ZAN: variants seen among roughly 807,000 people sequenced by gnomAD.
The protein encoded by ZAN is zonadhesin (gene/pseudogene).
Under a neutral mutation model 286.2 loss-of-function variants are expected in ZAN, and 260 were observed. That is an observed-to-expected ratio of 0.91 (90% CI 0.82 to 1.01). The LOEUF is 1.01. ZAN is among the 50% of genes least tolerant of loss of function. The pLI, the probability that ZAN is intolerant of heterozygous loss-of-function variation, is 0.00. For missense variants in ZAN, 3,410 were observed against 3,639.2 expected, an observed-to-expected ratio of 0.94 and a Z score of 1.62; for synonymous variants, 1,368 against 1,417.5, an observed-to-expected ratio of 0.97 and a Z score of 0.79.
At chr7:100,794,430 A>G (rs1812217054) in intron 44 of ZAN, among the ~76,000 whole-genome samples, 172 bp downstream of exon 44, 1 of 152,190 alleles carries the variant, frequency 6.6e-6, no homozygotes, top group Non-Finnish European at 1.5e-5. Context: ...CTAAGCATCC[A>G]TGACCTACCG....
At position 100,760,456 on chromosome 7, in the gene ZAN, G is replaced by A; in HGVS notation, c.3762G>A (p.Gly1254=). ...AAGGCGTCTTCCTGGGTGCAAGCGG[G>A]CGGTTTGTGGAGCTGCAGACGGAGT... ...PSKGVFLGAS[G]RFVELQTEFG... Residue 1254 remains glycine (G), a synonymous_variant, in exon 19 of 48, where the codon GGG becomes GGA. Coordinates refer to ENST00000613979, the MANE Select transcript of ZAN (RefSeq NM_003386.3). 1 of 1,613,964 alleles carries A rather than the reference G, an allele frequency of 6.2e-7. No individual in the cohort carries two copies. Among genetic ancestry groups the A allele is most frequent in the Non-Finnish European group, 8.5e-7 (1 of 1,179,898 alleles).
intron 44 of ZAN, among the ~76,000 whole-genome samples, chr7:100,794,843 G>A (rs1341695402): frequency 2.3e-5 from 3 of 133,302 alleles, no homozygotes; most frequent in Non-Finnish European, 4.8e-5. Context: ...TCTCAAAAAA[G>A]AAGAGAAGAG....
chr7:100,738,888 TCCCTCTCCCTCTCCCTCTCCC>T (rs1807517390), intron 7 of ZAN, among the ~76,000 whole-genome samples: 5 of 2,646 alleles, frequency 1.9e-3, no homozygotes, highest in Admixed American at 9.8e-3. Flanking sequence ...CCTCTCCCTC[TCCCTCTCCCTCTCCCTCTCCC>T]TCTCCCTCTC....
rs548188482 is a variant in ZAN, at chr7:100,795,053, T to A, written c.8126-143T>A. 6 of 1,022,770 alleles carry A rather than the reference T, an allele frequency of 5.9e-6. No individual in the cohort carries two copies. In the Admixed American group the frequency reaches 9.1e-5, roughly 16 times the overall value. 63.4% of individuals were successfully genotyped at this position (1,022,770 alleles called of 1,614,324 possible). On this transcript the variant is annotated intron_variant, in intron 44 of 47. Transcript: ENST00000613979. ...AAAGCCCAGGGCTAGTGAGGCAGGG[T>A]TGGGAGCCAGGCTGGCTGACCCCTG...
At chr7:100,772,188 T>G (rs1045645642) in intron 29 of ZAN, among the ~76,000 whole-genome samples, 168 bp downstream of exon 29, 17 of 144,244 alleles carry the variant, frequency 1.2e-4, no homozygotes, top group Non-Finnish European at 2.1e-4. Context: ...CTACCTCCTG[T>G]GTTCAAGCCA....
intron 7 of ZAN, among the ~76,000 whole-genome samples, chr7:100,746,011 C>T (rs181071389): frequency 1.6e-3 from 238 of 150,320 alleles, no homozygotes; most frequent in African/African-American, 5.5e-3. Flanking sequence ...ATCATTTGAA[C>T]CTAGGAGTTC....
At position 100,797,464 on chromosome 7, in the gene ZAN, A is replaced by G. The variant is rs1157483925; in HGVS notation, c.8365A>G (p.Arg2789Gly). 1.9e-6 allele frequency: 3 copies of G among 1,609,470 alleles called. No homozygotes were observed. The highest frequency in any genetic ancestry group is 1.7e-6 in the Non-Finnish European group (2 of 1,177,364). Residue 2789 changes from arginine to glycine, a missense_variant and splice_region_variant, in exon 46 of 48, where the codon AGA becomes GGA. This residue lies in a region of ZAN where 1,289 missense variants were observed against 1,314.3 expected (regional missense o/e 0.98). Transcript: ENST00000613979. ...GTGCATTTACAGAACGAGGAGGAAG[A>G]GGTGAGTCCTGGGAAGGAGAGAGGA... ...RECIYRTRRK[R>G]EKTQEGDRLA... is the part of the protein sequence containing the mutation.
Position 100,788,024 on chromosome 7 carries a change from T to C in ZAN, c.7115T>C (p.Leu2372Pro), listed in dbSNP as rs1285137132. The C allele has an allele frequency of 1.3e-6, 2 of 1,570,096 alleles. No individual in the cohort carries two copies. Among genetic ancestry groups the C allele is most frequent in the South Asian group, 1.2e-5 (1 of 85,562 alleles). The change falls in exon 38 of 48, where the codon CTC (leucine) becomes CCC (proline). Residue 2372 changes from leucine to proline, a missense_variant. By Grantham distance (98) the Leu-to-Pro change is moderately conservative. Around this residue, in one of 7 missense-constraint regions of ZAN, gnomAD observed 1,289 missense variants for 1,314.3 expected, o/e 0.98. Transcript: ENST00000613979. ...CTGCCTGAGGGGGTGGAGCCCCTCC[T>C]CGTGGAAGGACGCAACAAGATGGAT... Reference protein sequence around the residue: ...DVLPEGVEPLLVEGRNKMDPP... With the variant: ...DVLPEGVEPLPVEGRNKMDPP...
chr7:100,753,544 CG>C (rs1808932622), intron 14 of ZAN, among the ~76,000 whole-genome samples: 1 of 151,892 alleles, frequency 6.6e-6, no homozygotes, highest in Non-Finnish European at 1.5e-5. Flanking sequence ...AATTCTAGGC[CG>C]GGCACGGTAG....
chr7:100,749,222 G>A (rs1808438322), intron 11 of ZAN, among the ~76,000 whole-genome samples: 1 of 152,004 alleles, frequency 6.6e-6, no homozygotes, highest in South Asian at 2.1e-4. Flanking sequence ...TGCACCTGTA[G>A]TCCCAGCTAC....
At chr7:100,738,873 T>TCCC (rs1554396768) in intron 7 of ZAN, among the ~76,000 whole-genome samples, 1 of 24,150 alleles carries the variant, frequency 4.1e-5, no homozygotes, top group African/African-American at 1.2e-4. Context: ...CCTCTTCTTC[T>TCCC]TCTCCCTCTC....
At chr7:100,765,734 C>T (rs995235699) in intron 23 of ZAN, among the ~76,000 whole-genome samples, 180 bp downstream of exon 23, 2 of 152,162 alleles carry the variant, frequency 1.3e-5, no homozygotes, top group African/African-American at 4.8e-5. Context: ...CTGCAACTTC[C>T]GCCTCCTGGG....
intron 33 of ZAN, 94 bp downstream of exon 33, chr7:100,775,927 C>T: frequency 6.7e-7 from 1 of 1,484,688 alleles, no homozygotes; most frequent in Non-Finnish European, 9.1e-7. Flanking sequence ...ATCGTGCCTG[C>T]CCAAAGAGGC....
chr7:100,759,674 G>A (rs1809401620), intron 17 of ZAN, 47 bp from the exon 18 acceptor site: 1 of 1,545,366 alleles, frequency 6.5e-7, no homozygotes, highest in Non-Finnish European at 8.7e-7. Context: ...CGCGGCAGAT[G>A]TTCAGAAATG....
chr7:100,760,979 C>A (rs929562599), intron 19 of ZAN, among the ~76,000 whole-genome samples: 16 of 152,224 alleles, frequency 1.1e-4, no homozygotes, highest in African/African-American at 3.9e-4. Context: ...TCACTGCAAC[C>A]TCTGCCTCCC....
At chr7:100,786,716 A>G (rs931346216) in intron 37 of ZAN, among the ~76,000 whole-genome samples, 2 of 151,724 alleles carry the variant, frequency 1.3e-5, no homozygotes, top group African/African-American at 2.4e-5. Context: ...CGCCCCCTCT[A>G]AGGTTTTTAA....
intron 19 of ZAN, among the ~76,000 whole-genome samples, chr7:100,761,799 C>T (rs961515788): frequency 7.9e-5 from 12 of 151,436 alleles, no homozygotes; most frequent in African/African-American, 2.9e-4. Flanking sequence ...ATTAGCTGGG[C>T]GTGGTGGTGT....
chr7:100,782,047 C>T (rs767094625), intron 35 of ZAN, among the ~76,000 whole-genome samples: 21 of 152,134 alleles, frequency 1.4e-4, no homozygotes, highest in Non-Finnish European at 2.8e-4. Context: ...ACTATCTGCT[C>T]TTATCCAGTC....
At chr7:100,770,837 T>C (rs1810323907) in intron 28 of ZAN, among the ~76,000 whole-genome samples, 1 of 151,490 alleles carries the variant, frequency 6.6e-6, no homozygotes, top group African/African-American at 2.4e-5. Context: ...TTTTTCTCAC[T>C]CTGTTGCCCA....
Sources: gnomAD v4.1 joint callset for allele counts (sites outside exome capture counted in the v4.1 genomes callset) on GRCh38, gnomAD v4.1.1 for gene constraint, gnomAD v4.1.1 regional missense constraint, MANE v1.5 for transcripts, NCBI Gene and HGNC (gene_info 2026-07-23, HGNC 2026-07-21) for gene names.